The following PTPN4 variants were observed in gnomAD, a reference collection of about 807,000 sequenced individuals.
The protein encoded by PTPN4 is tyrosine-protein phosphatase non-receptor type 4.
PTPN4 carries 49 observed loss-of-function variants against 135.5 expected under a neutral mutation model. The ratio of observed to expected loss-of-function variants is 0.36; its 90% confidence interval spans 0.29 to 0.46. PTPN4 has a LOEUF of 0.46. PTPN4 is among the 20% of genes least tolerant of loss of function. The pLI, the probability that PTPN4 is intolerant of heterozygous loss-of-function variation, is 1.00. For missense variants in PTPN4, 860 were observed against 1,101.0 expected, an observed-to-expected ratio of 0.78 and a Z score of 3.10; for synonymous variants, 333 against 369.9, an observed-to-expected ratio of 0.90 and a Z score of 1.14.
chr2:119,867,913 C>T (rs1208438495), intron 3 of PTPN4, among the ~76,000 whole-genome samples: 1 of 152,120 alleles, frequency 6.6e-6, no homozygotes, highest in Non-Finnish European at 1.5e-5. Context: ...TTGTTTTTCT[C>T]ATTTTTTAAT....
chr2:119,968,578 T>A (rs1574425852), intron 26 of PTPN4, among the ~76,000 whole-genome samples: 1 of 151,942 alleles, frequency 6.6e-6, no homozygotes, highest in South Asian at 2.1e-4. Flanking sequence ...GATCACGAGG[T>A]CAGGAGATCG....
intron 1 of PTPN4, among the ~76,000 whole-genome samples, chr2:119,808,586 T>G (rs924557483): frequency 6.6e-6 from 1 of 152,056 alleles, no homozygotes; most frequent in African/African-American, 2.4e-5. Flanking sequence ...CCCAGCTAAT[T>G]TTTAAAACAT....
intron 1 of PTPN4, among the ~76,000 whole-genome samples, chr2:119,770,878 C>CTTTT (rs11302568): frequency 1.4e-5 from 2 of 138,972 alleles, no homozygotes; most frequent in African/African-American, 2.6e-5. Flanking sequence ...AAGGGTCTAA[C>CTTTT]TTTTTTTTTT....
chr2:119,913,611 G>A lies in PTPN4; in HGVS notation c.765-1568G>A, dbSNP rs115051197. Among the ~76,000 whole-genome samples the A allele has an allele frequency of 8.5e-3, 1,289 of 152,194 alleles. 20 individuals carry two copies. The highest frequency in any genetic ancestry group is 0.027 in the African/African-American group (1,125 of 41,518). On this transcript the variant is annotated intron_variant, in intron 10 of 26. Coordinates refer to ENST00000263708, the MANE Select transcript of PTPN4 (RefSeq NM_002830.4). ...TTGAGGCCAGGCTGGGCAACATAGC[G>A]AAACCATGTCTGTAATAGGATACAT...
intron 23 of PTPN4, among the ~76,000 whole-genome samples, chr2:119,961,221 G>GAACTCTTTAC (rs57396203): frequency 0.97 from 148,136 of 152,100 alleles, 72,257 homozygotes; most frequent in East Asian, 1. Flanking sequence ...CGTATATACA[G>GAACTCTTTAC]AACTCTACAG....
In PTPN4 at chr2:119,960,860, A is replaced by G. The variant is rs1025406118; in HGVS notation, c.2187A>G (p.Pro729=). 2.5e-6 allele frequency: 4 copies of G among 1,613,838 alleles called. No homozygotes were observed. The highest frequency in any genetic ancestry group is 1.7e-5 in the Admixed American group (1 of 59,976). ...ATCAGTACATTGCTTGTCAAGGGCC[A>G]TTACCACACACTTGTACAGATTTTT... ...IINQYIACQG[P]LPHTCTDFWQ... is the part of the protein sequence containing the mutation. The change falls in exon 23 of 27, where the codon CCA becomes CCG. Residue 729 remains proline (P), a synonymous_variant. Coordinates refer to ENST00000263708, the MANE Select transcript of PTPN4 (RefSeq NM_002830.4).
intron 1 of PTPN4, among the ~76,000 whole-genome samples, chr2:119,779,563 G>A (rs907217216): frequency 6.6e-6 from 1 of 150,604 alleles, no homozygotes. Flanking sequence ...CTTGCAGTGA[G>A]CCGAGATTGT....
Position 119,934,793 on chromosome 2 carries a change from T to A in PTPN4, c.1197-7T>A. 6.2e-7 allele frequency: 1 copy of A among 1,613,068 alleles called. No homozygotes were observed. Among genetic ancestry groups the A allele is most frequent in the African/African-American group, 1.3e-5 (1 of 75,012 alleles). ...TTTTTATTCAGTTTTTCTCCCTCTT[T>A]ATTTAGTCGAAATTCTACATTCACG... On this transcript the variant is annotated splice_region_variant and splice_polypyrimidine_tract_variant and intron_variant, in intron 14 of 26. Transcript: ENST00000263708.
Position 119,962,714 on chromosome 2 carries a change from C to A in PTPN4, c.2379C>A (p.Ile793=). 6.3e-7 allele frequency: 1 copy of A among 1,587,532 alleles called. No homozygotes were observed. The highest frequency in any genetic ancestry group is 8.6e-7 in the Non-Finnish European group (1 of 1,161,914). ...CTGAAGAAGGAAACACTGCCTATAT[C>A]TTCAGGAAGATGACCCTATTTAACC... ...CHSEEGNTAY[I]FRKMTLFNQE... The change falls in exon 24 of 27, where the codon ATC becomes ATA. Residue 793 remains isoleucine, a synonymous_variant. Transcript: ENST00000263708.
chr2:119,819,936 G>A (rs1677039879), intron 2 of PTPN4, among the ~76,000 whole-genome samples: 1 of 152,054 alleles, frequency 6.6e-6, no homozygotes, highest in African/African-American at 2.4e-5. Flanking sequence ...CCATAGTTTA[G>A]TGCAGGCTTG....
chr2:119,969,692 G>A (rs926494577), intron 26 of PTPN4, among the ~76,000 whole-genome samples: 3 of 151,140 alleles, frequency 2.0e-5, no homozygotes, highest in Admixed American at 1.3e-4. Context: ...CTGAGTAGCT[G>A]GGACTACAGG....
intron 19 of PTPN4, among the ~76,000 whole-genome samples, chr2:119,953,659 CAAT>C (rs2105053355): frequency 6.6e-6 from 1 of 152,178 alleles, no homozygotes; most frequent in South Asian, 2.1e-4. Flanking sequence ...CTAAAGAACT[CAAT>C]AATATTAGCT....
chr2:119,937,823 T>G (rs993993609), intron 15 of PTPN4, among the ~76,000 whole-genome samples: 16 of 152,254 alleles, frequency 1.1e-4, no homozygotes, highest in African/African-American at 3.9e-4. Flanking sequence ...CCCAGCTTAC[T>G]CAGGAGGCTG....
chr2:119,800,950 G>A (rs1460565921), intron 1 of PTPN4, among the ~76,000 whole-genome samples: 2 of 151,970 alleles, frequency 1.3e-5, no homozygotes, highest in Non-Finnish European at 2.9e-5. Flanking sequence ...CTTGATAAAT[G>A]TAGGTACATA....
At chr2:119,847,328 A>ATTAT in intron 2 of PTPN4, among the ~76,000 whole-genome samples, 1 of 102,734 alleles carries the variant, frequency 9.7e-6, no homozygotes, top group East Asian at 2.4e-4. Context: ...ATATATATAT[A>ATTAT]TTTTTTTTTT....
intron 5 of PTPN4, among the ~76,000 whole-genome samples, chr2:119,879,003 G>A (rs71424334): frequency 6.6e-6 from 1 of 150,474 alleles, no homozygotes; most frequent in Non-Finnish European, 1.5e-5. Context: ...TGAGGCAGGA[G>A]AATGGCATGA....
chr2:119,879,100 A>T (rs1253308827), intron 5 of PTPN4, among the ~76,000 whole-genome samples: 8 of 151,748 alleles, frequency 5.3e-5, no homozygotes, highest in African/African-American at 1.7e-4. Flanking sequence ...CTGAAAAAAA[A>T]AAAAAACAAA....
At chr2:119,921,343 C>T (rs1678734329) in intron 12 of PTPN4, among the ~76,000 whole-genome samples, 2 of 152,022 alleles carry the variant, frequency 1.3e-5, no homozygotes, top group East Asian at 3.9e-4. Context: ...AAGATTAATT[C>T]ATGTTATATG....
chr2:119,791,607 C>T (rs998248835), intron 1 of PTPN4, among the ~76,000 whole-genome samples: 18 of 152,284 alleles, frequency 1.2e-4, no homozygotes, highest in African/African-American at 4.1e-4. Flanking sequence ...TTGAATGTAT[C>T]ATCCTACTAC....
Sources: allele counts gnomAD v4.1 joint callset (sites outside exome capture counted in the v4.1 genomes callset), GRCh38; gene constraint gnomAD v4.1.1; transcripts MANE v1.5; gene names NCBI Gene and HGNC (gene_info 2026-07-23, HGNC 2026-07-21).